The following PRTFDC1 variants were observed in gnomAD, a reference collection of about 807,000 sequenced individuals.
The protein encoded by PRTFDC1 is phosphoribosyltransferase domain-containing protein 1.
PRTFDC1 carries 38 observed loss-of-function variants against 34.6 expected under a neutral mutation model. The observed-to-expected ratio is 1.10, with a 90% CI of 0.85 to 1.44. The LOEUF is 1.44. Ranked by LOEUF, PRTFDC1 falls within the 40% of genes most tolerant of loss-of-function variation. The pLI is 0.00. For missense variants in PRTFDC1, 270 were observed against 283.0 expected, an observed-to-expected ratio of 0.95 and a Z score of 0.33; for synonymous variants, 93 against 98.1, an observed-to-expected ratio of 0.95 and a Z score of 0.31.
At chr10:24,939,084 T>G (rs1849104816) in intron 2 of PRTFDC1, among the ~76,000 whole-genome samples, 1 of 152,084 alleles carries the variant, frequency 6.6e-6, no homozygotes, top group Non-Finnish European at 1.5e-5. Context: ...GCAGATCTCT[T>G]GAGGTCAGGA....
chr10:24,924,152 G>A (rs188469840), intron 3 of PRTFDC1, among the ~76,000 whole-genome samples: 12 of 152,328 alleles, frequency 7.9e-5, no homozygotes, highest in African/African-American at 2.9e-4. Flanking sequence ...ATAGGACTAT[G>A]TGAAAAGACC....
Position 24,851,483 on chromosome 10 carries a change from AG to A in PRTFDC1, c.554-20del. 2 of 1,589,698 alleles carry A rather than the reference AG, an allele frequency of 1.3e-6. No individual in the cohort carries two copies. The highest frequency in any genetic ancestry group is 1.8e-5 in the Admixed American group (1 of 54,684). On this transcript the variant is annotated intron_variant, in intron 7 of 8. Transcript: ENST00000320152. ...CCAGCATCTTAGCAGACAGAGAAAG[AG>A]AAAAAAAAAAAGGAACAAAATTTAG...
chr10:24,874,422 G>C (rs1461067579), intron 3 of PRTFDC1, among the ~76,000 whole-genome samples: 1 of 152,096 alleles, frequency 6.6e-6, no homozygotes, highest in African/African-American at 2.4e-5. Context: ...AAGAATTTCT[G>C]CACATTAGAC....
In PRTFDC1 at chr10:24,924,710, GA is replaced by G. The variant is rs571628592; in HGVS notation, c.339+12473del. On this transcript the variant is annotated intron_variant, in intron 3 of 8. Coordinates refer to ENST00000320152, the MANE Select transcript of PRTFDC1 (RefSeq NM_020200.7). ...ACATTTATGCAGCCAACAGACACATGAAAAAAAAATGCTCATCATCACTGGT... is the reference window on the plus strand; with the variant it reads ...ACATTTATGCAGCCAACAGACACATGAAAAAAAATGCTCATCATCACTGGT... 2.4e-4 allele frequency among the ~76,000 whole-genome samples: 36 copies of G among 150,540 alleles called. No homozygotes were observed. In the South Asian group the frequency reaches 7.4e-3, roughly 31 times the overall value.
intron 3 of PRTFDC1, among the ~76,000 whole-genome samples, chr10:24,929,577 G>T (rs1292992169): frequency 6.6e-6 from 1 of 152,168 alleles, no homozygotes; most frequent in African/African-American, 2.4e-5. Context: ...TTAAAGCCTT[G>T]AAGTTGTAGT....
intron 1 of PRTFDC1, among the ~76,000 whole-genome samples, chr10:24,950,669 C>T (rs1442594779): frequency 1.3e-5 from 2 of 151,940 alleles, no homozygotes; most frequent in African/African-American, 2.4e-5. Context: ...GCTCTATTCC[C>T]AAGGCACCCA....
intron 3 of PRTFDC1, among the ~76,000 whole-genome samples, chr10:24,909,875 G>A (rs751254379): frequency 6.6e-6 from 1 of 152,074 alleles, no homozygotes; most frequent in African/African-American, 2.4e-5. Context: ...TTTTGGCCAG[G>A]CGTGTTGGCT....
intron 3 of PRTFDC1, among the ~76,000 whole-genome samples, chr10:24,892,334 A>G (rs1848277321): frequency 6.6e-6 from 1 of 152,162 alleles, no homozygotes; most frequent in African/African-American, 2.4e-5. Context: ...ACTGTTCGCC[A>G]TAGTAGCTAT....
chr10:24,932,266 C>T (rs1006269427), intron 3 of PRTFDC1, among the ~76,000 whole-genome samples: 1 of 151,930 alleles, frequency 6.6e-6, no homozygotes, highest in Admixed American at 6.5e-5. Context: ...TTTTCTCCCA[C>T]CATTCATATT....
At position 24,872,078 on chromosome 10, in the gene PRTFDC1, A is replaced by T; in HGVS notation, c.340-15T>A. 6.3e-7 allele frequency: 1 copy of T among 1,583,360 alleles called. No homozygotes were observed. On this transcript the variant is annotated splice_polypyrimidine_tract_variant and intron_variant, in intron 3 of 8. Transcript: ENST00000320152. ...GACTGGTCATTCTGCAAAAAAGAAG[A>T]AAAAAAAGGGAGACAATTTTACCGC...
intron 3 of PRTFDC1, among the ~76,000 whole-genome samples, chr10:24,880,817 TTC>T (rs1491463740): frequency 9.0e-5 from 5 of 55,516 alleles, no homozygotes; most frequent in Admixed American, 6.6e-4. Flanking sequence ...GTCTTTCTCT[TTC>T]TTTCTTTCTT....
chr10:24,934,353 C>A (rs1260395775), intron 3 of PRTFDC1, among the ~76,000 whole-genome samples: 6 of 152,130 alleles, frequency 3.9e-5, no homozygotes. Context: ...GGGGAATGAA[C>A]CCCTCCTCTC....
intron 3 of PRTFDC1, among the ~76,000 whole-genome samples, chr10:24,903,842 TTTATTATTA>T (rs57243977): frequency 6.7e-6 from 1 of 150,322 alleles, no homozygotes; most frequent in Admixed American, 6.6e-5. Context: ...ACCCAGCTAA[TTTATTATTA>T]TTATTATTAT....
chr10:24,905,378 G>C (rs994236030), intron 3 of PRTFDC1, among the ~76,000 whole-genome samples: 1 of 144,068 alleles, frequency 6.9e-6, no homozygotes, highest in Non-Finnish European at 1.5e-5. Context: ...ATGGAGTGCA[G>C]TGACACGATC....
In PRTFDC1 at chr10:24,849,026, G is replaced by A. The variant is rs1476552143; in HGVS notation, c.*818C>T. 1 of 152,034 alleles carries A rather than the reference G, an allele frequency of 6.6e-6. No individual in the cohort carries two copies. Among genetic ancestry groups the A allele is most frequent in the East Asian group, 1.9e-4 (1 of 5,192 alleles). 9.4% of individuals were successfully genotyped at this position (152,034 alleles called of 1,614,324 possible). A position where few individuals can be genotyped will look rare whatever the true frequency, so the allele number is the denominator to read the frequency against. On this transcript the variant is annotated 3_prime_UTR_variant, in exon 9 of 9. Transcript: ENST00000320152. ...GAAAAATTTATACTTGCTTAGTTTC[G>A]AGCATTGAAAGCACTCGCCCCTAAT...
intron 1 of PRTFDC1, among the ~76,000 whole-genome samples, 198 bp from the exon 2 acceptor site, chr10:24,942,634 T>C (rs999309233): frequency 6.6e-6 from 1 of 152,192 alleles, no homozygotes; most frequent in African/African-American, 2.4e-5. Flanking sequence ...ATTGGCATCA[T>C]AAAATATTTG....
intron 3 of PRTFDC1, among the ~76,000 whole-genome samples, chr10:24,906,954 T>C (rs1307028370): frequency 6.6e-6 from 1 of 152,248 alleles, no homozygotes; most frequent in Non-Finnish European, 1.5e-5. Flanking sequence ...TATAGGCATA[T>C]CATTATATAC....
chr10:24,896,636 A>G (rs1279056494), intron 3 of PRTFDC1, among the ~76,000 whole-genome samples: 2 of 152,222 alleles, frequency 1.3e-5, no homozygotes, highest in Admixed American at 6.5e-5. Context: ...TTCAGAGGAA[A>G]GTCAGAAAGT....
chr10:24,937,606 G>T (rs192677447), intron 2 of PRTFDC1, among the ~76,000 whole-genome samples: 40 of 147,702 alleles, frequency 2.7e-4, no homozygotes, highest in Non-Finnish European at 3.0e-4. Flanking sequence ...TGCCCAGGCT[G>T]CAGTGCAGTG....
Sources: gnomAD v4.1 joint callset for allele counts (sites outside exome capture counted in the v4.1 genomes callset) on GRCh38, gnomAD v4.1.1 for gene constraint, MANE v1.5 for transcripts, NCBI Gene and HGNC (gene_info 2026-07-23, HGNC 2026-07-21) for gene names.